SNAP91: variants seen among roughly 807,000 people sequenced by gnomAD.
SNAP91 encodes the protein synaptosome associated protein 91.
Under a neutral mutation model 100.3 loss-of-function variants are expected in SNAP91, and 27 were observed. The ratio of observed to expected loss-of-function variants is 0.27; its 90% CI spans 0.20 to 0.37. The LOEUF (loss-of-function observed/expected upper bound fraction) is 0.37, where lower values mean the gene tolerates loss of function less well. Ranked by LOEUF, SNAP91 falls within the 10% of genes least tolerant of loss-of-function variation. The probability of loss-of-function intolerance (pLI) is 1.00; values close to 1 mark genes in which losing one functional copy is unlikely to be tolerated. For synonymous variants in SNAP91, 404 were observed against 398.6 expected (o/e 1.01, Z -0.16); for missense variants, 986 against 1,123.7 (o/e 0.88, Z 1.75).
intron 26 of SNAP91, among the ~76,000 whole-genome samples, chr6:83,561,480 A>C (rs1246434701): frequency 1.3e-5 from 2 of 152,242 alleles, no homozygotes; most frequent in Non-Finnish European, 2.9e-5. Context: ...CACATCAATG[A>C]TATAAACAAG....
chr6:83,568,589 G>C (rs1266779583), intron 26 of SNAP91, among the ~76,000 whole-genome samples: 3 of 152,102 alleles, frequency 2.0e-5, no homozygotes, highest in African/African-American at 7.2e-5. Flanking sequence ...CATGATGACA[G>C]AGCCCTGCCA....
intron 2 of SNAP91, among the ~76,000 whole-genome samples, chr6:83,706,615 T>C (rs2099386508): frequency 6.6e-6 from 1 of 152,242 alleles, no homozygotes; most frequent in South Asian, 2.1e-4. Context: ...GCTTCGCTTA[T>C]GCAGATAATA....
At chr6:83,593,868 G>A in intron 17 of SNAP91, 127 bp from the exon 18 acceptor site, 3 of 1,381,396 alleles carry the variant, frequency 2.2e-6, no homozygotes, top group Admixed American at 2.6e-5. Context: ...AGGCTCCTTG[G>A]ATTTAACTAC....
intron 16 of SNAP91, 77 bp downstream of exon 16, chr6:83,601,194 A>C: frequency 6.9e-7 from 1 of 1,443,082 alleles, no homozygotes; most frequent in Non-Finnish European, 9.5e-7. Context: ...ACATAACGGA[A>C]AAAATTTTAA....
At chr6:83,560,058 A>G (rs750749545) in intron 28 of SNAP91, 46 bp downstream of exon 28, 12 of 1,465,946 alleles carry the variant, frequency 8.2e-6, no homozygotes, top group Non-Finnish European at 1.1e-5. Context: ...AATGTTTTAC[A>G]CTTATTAGTT....
intron 11 of SNAP91, among the ~76,000 whole-genome samples, chr6:83,611,719 C>T (rs374329987): frequency 5.9e-4 from 88 of 150,324 alleles, no homozygotes; most frequent in African/African-American, 2.1e-3. Flanking sequence ...TTTTTTGAGA[C>T]GGAGTCTCAC....
intron 7 of SNAP91, among the ~76,000 whole-genome samples, chr6:83,646,024 A>C (rs978885027): frequency 1.3e-5 from 2 of 152,216 alleles, no homozygotes; most frequent in African/African-American, 4.8e-5. Flanking sequence ...ATATCTGCAT[A>C]TCTTTGTTGG....
At chr6:83,585,876 G>A (rs2092478662) in intron 22 of SNAP91, among the ~76,000 whole-genome samples, 1 of 148,064 alleles carries the variant, frequency 6.8e-6, no homozygotes, top group African/African-American at 2.5e-5. Flanking sequence ...TTTTGAGATG[G>A]AGTCTCGCTC....
intron 7 of SNAP91, among the ~76,000 whole-genome samples, chr6:83,644,653 C>G (rs1413539192): frequency 6.6e-6 from 1 of 152,154 alleles, no homozygotes; most frequent in African/African-American, 2.4e-5. Flanking sequence ...AAATTATCAT[C>G]TCTGAGAGAC....
intron 9 of SNAP91, among the ~76,000 whole-genome samples, chr6:83,618,116 G>T (rs1244803978): frequency 6.6e-6 from 1 of 151,536 alleles, no homozygotes; most frequent in Non-Finnish European, 1.5e-5. Flanking sequence ...CTTTAATTTT[G>T]AAAATTCAGG....
intron 2 of SNAP91, chr6:83,690,376 G>A (rs1047359079): frequency 2.3e-6 from 3 of 1,288,378 alleles, no homozygotes; most frequent in East Asian, 5.6e-5. Flanking sequence ...CTCAAAAGAT[G>A]CTGGAACATA....
chr6:83,611,247 A>G (rs1208605205), intron 11 of SNAP91, among the ~76,000 whole-genome samples: 1 of 152,178 alleles, frequency 6.6e-6, no homozygotes, highest in Admixed American at 6.5e-5. Flanking sequence ...AGAATATTCT[A>G]GGAAAAATAT....
intron 7 of SNAP91, among the ~76,000 whole-genome samples, chr6:83,652,249 T>C (rs967601399): frequency 3.9e-5 from 6 of 152,190 alleles, no homozygotes; most frequent in African/African-American, 1.4e-4. Context: ...TACTATTTTC[T>C]ATTTATTGCC....
intron 8 of SNAP91, among the ~76,000 whole-genome samples, chr6:83,639,820 G>A (rs964347218): frequency 6.6e-6 from 1 of 151,992 alleles, no homozygotes; most frequent in African/African-American, 2.4e-5. Flanking sequence ...AAAATAATCT[G>A]TTCTCCGTAC....
intron 16 of SNAP91, among the ~76,000 whole-genome samples, chr6:83,600,306 G>A (rs1364712641): frequency 2.6e-5 from 4 of 152,186 alleles, no homozygotes; most frequent in African/African-American, 9.7e-5. Flanking sequence ...GTGACAGTGT[G>A]TTAAATGTAT....
At chr6:83,596,183 G>A (rs1341091383) in intron 16 of SNAP91, among the ~76,000 whole-genome samples, 1 of 152,118 alleles carries the variant, frequency 6.6e-6, no homozygotes, top group Non-Finnish European at 1.5e-5. Flanking sequence ...GCCTCCTCAC[G>A]GACTGGGATT....
At position 83,593,565 on chromosome 6, in the gene SNAP91, T is replaced by G. The variant is rs1299598049; in HGVS notation, c.1609A>C (p.Thr537Pro). Residue 537 changes from threonine (T) to proline (P), a missense_variant, in exon 18 of 30, where the codon ACT becomes CCT. By Grantham distance (38) the Thr-to-Pro change is conservative. Transcript: ENST00000369694. Reference protein sequence around the residue: ...PAVAAAAAATTAATAAATTTT... With the variant: ...PAVAAAAAATPAATAAATTTT... ...GTGGTGGCAGCGGCGGTGGCAGCAG[T>G]AGTGGCAGCAGCAGCAGCTGCAACG... The G allele has an allele frequency of 7.1e-6, 11 of 1,555,082 alleles. No homozygotes were observed. Among genetic ancestry groups the G allele is most frequent in the Non-Finnish European group, 9.6e-6 (11 of 1,148,064 alleles).
At chr6:83,583,057 G>A (rs544750485) in intron 22 of SNAP91, among the ~76,000 whole-genome samples, 4 of 152,212 alleles carry the variant, frequency 2.6e-5, no homozygotes, top group African/African-American at 7.2e-5. Context: ...TTCGTGTAGT[G>A]ATCAGGTCCT....
chr6:83,602,176 AT>A (rs1476967736), intron 14 of SNAP91, among the ~76,000 whole-genome samples: 3 of 152,158 alleles, frequency 2.0e-5, no homozygotes, highest in Non-Finnish European at 2.9e-5. Context: ...AATCCTCTGT[AT>A]TCTTTCAGCC....
Sources: gnomAD v4.1 joint callset for allele counts (sites outside exome capture counted in the v4.1 genomes callset) on GRCh38, gnomAD v4.1.1 for gene constraint, MANE v1.5 for transcripts, NCBI Gene and HGNC (gene_info 2026-07-23, HGNC 2026-07-21) for gene names.